FUT9: variants seen among roughly 807,000 people sequenced by gnomAD.
FUT9 encodes 4-galactosyl-N-acetylglucosaminide 3-alpha-L-fucosyltransferase 9.
FUT9 carries 15 observed loss-of-function variants against 29.7 expected under a neutral mutation model. The observed-to-expected ratio is 0.51, with a 90% CI of 0.34 to 0.78. The LOEUF (loss-of-function observed/expected upper bound fraction) is 0.78, where lower values mean the gene tolerates loss of function less well. Among genes scored for constraint, FUT9 ranks in the 30% least tolerant of loss-of-function variants. The pLI, the probability that FUT9 is intolerant of heterozygous loss-of-function variation, is 0.01. For missense variants in FUT9, 319 were observed against 425.4 expected (o/e 0.75, Z 2.20); for synonymous variants, 169 against 153.7 (o/e 1.10, Z -0.74).
At chr6:96,181,709 A>G (rs1383997258) in intron 2 of FUT9, among the ~76,000 whole-genome samples, 2 of 151,944 alleles carry the variant, frequency 1.3e-5, no homozygotes, top group African/African-American at 2.4e-5. Flanking sequence ...TTACTTCACT[A>G]AGAATAATAG....
At position 96,206,964 on chromosome 6, in the gene FUT9, C is replaced by G. The variant is rs1582310902; in HGVS notation, c.*2729C>G. The G allele has an allele frequency of 6.0e-6, 1 of 167,080 alleles. No homozygotes were observed. The highest frequency in any genetic ancestry group is 1.9e-4 in the East Asian group (1 of 5,172). 10.3% of individuals were successfully genotyped at this position (167,080 alleles called of 1,614,324 possible). On this transcript the variant is annotated 3_prime_UTR_variant, in exon 3 of 3. Coordinates refer to ENST00000302103, the MANE Select transcript of FUT9 (RefSeq NM_006581.4). ...ACTGATAATATGACGCAAGTAGAGGCAGTACTACTAAGTATCTAGCAGGTG... is the reference window on the plus strand; with the variant it reads ...ACTGATAATATGACGCAAGTAGAGGGAGTACTACTAAGTATCTAGCAGGTG...
intron 1 of FUT9, among the ~76,000 whole-genome samples, chr6:96,023,884 A>T (rs1770116099): frequency 6.6e-6 from 1 of 151,862 alleles, no homozygotes. Context: ...ACCATCTGGG[A>T]GGAAATAGAG....
intron 1 of FUT9, among the ~76,000 whole-genome samples, chr6:96,089,518 ACTT>A (rs1168390761): frequency 1.3e-5 from 2 of 152,214 alleles, no homozygotes; most frequent in African/African-American, 4.8e-5. Flanking sequence ...TTGCTTTCCT[ACTT>A]CTTCTTGTTA....
chr6:96,168,518 A>G (rs1477642217), intron 2 of FUT9, among the ~76,000 whole-genome samples: 1 of 152,206 alleles, frequency 6.6e-6, no homozygotes, highest in Non-Finnish European at 1.5e-5. Context: ...ATCAAACACC[A>G]TTCGTAAGTA....
chr6:96,060,324 A>G (rs952163401), intron 1 of FUT9, among the ~76,000 whole-genome samples: 9 of 152,224 alleles, frequency 5.9e-5, no homozygotes, highest in African/African-American at 2.2e-4. Context: ...ATATTTCAGT[A>G]ATAACATTTA....
At chr6:96,054,931 T>G (rs1770735473) in intron 1 of FUT9, among the ~76,000 whole-genome samples, 1 of 152,198 alleles carries the variant, frequency 6.6e-6, no homozygotes, top group South Asian at 2.1e-4. Flanking sequence ...CTTTCTGATT[T>G]TGTGTTTGTG....
intron 2 of FUT9, among the ~76,000 whole-genome samples, chr6:96,146,073 C>T (rs943210213): frequency 1.3e-5 from 2 of 152,066 alleles, no homozygotes; most frequent in African/African-American, 4.8e-5. Context: ...AACTCCTGGG[C>T]TCCAGGGACC....
chr6:96,105,113 G>A (rs1413551226), intron 1 of FUT9, among the ~76,000 whole-genome samples: 1 of 152,118 alleles, frequency 6.6e-6, no homozygotes, highest in Non-Finnish European at 1.5e-5. Context: ...TTAAAATCCT[G>A]AAATTCAAGT....
chr6:96,143,376 G>A (rs969175955), intron 2 of FUT9, among the ~76,000 whole-genome samples: 11 of 152,252 alleles, frequency 7.2e-5, no homozygotes, highest in South Asian at 4.1e-4. Flanking sequence ...TACACAGTCC[G>A]AAAGGACTAA....
intron 2 of FUT9, among the ~76,000 whole-genome samples, chr6:96,137,804 A>G (rs758140953): frequency 1.2e-4 from 19 of 152,136 alleles, no homozygotes; most frequent in African/African-American, 4.3e-4. Context: ...CCATAGTAAT[A>G]TAAGAAGTTA....
intron 2 of FUT9, among the ~76,000 whole-genome samples, chr6:96,186,564 T>C (rs945356074): frequency 6.6e-6 from 1 of 152,122 alleles, no homozygotes; most frequent in African/African-American, 2.4e-5. Flanking sequence ...ATAGAATACA[T>C]ATAAAAGAAA....
chr6:96,145,834 A>G (rs1051558124), intron 2 of FUT9, among the ~76,000 whole-genome samples: 1 of 151,918 alleles, frequency 6.6e-6, no homozygotes, highest in Non-Finnish European at 1.5e-5. Flanking sequence ...CTCAGTAAGG[A>G]TTTTGATTTC....
intron 1 of FUT9, chr6:96,020,891 A>G (rs2127921010): frequency 6.6e-6 from 1 of 152,242 alleles, no homozygotes; most frequent in East Asian, 1.9e-4. Flanking sequence ...CTCCCCTGAC[A>G]TAGTTTCTTT....
intron 2 of FUT9, among the ~76,000 whole-genome samples, chr6:96,192,815 A>T (rs1241869814): frequency 6.6e-6 from 1 of 152,146 alleles, no homozygotes; most frequent in African/African-American, 2.4e-5. Flanking sequence ...ATACAAGGCT[A>T]CAGTAAACAA....
At chr6:96,186,601 A>G (rs9322721) in intron 2 of FUT9, among the ~76,000 whole-genome samples, 137,334 of 152,174 alleles carry the variant, frequency 0.9, 63,264 homozygotes, top group Non-Finnish European at 0.99. Context: ...GAGATTTATT[A>G]TAAGGTATTG....
chr6:96,128,060 T>C (rs1315650481), intron 2 of FUT9, among the ~76,000 whole-genome samples: 1 of 152,116 alleles, frequency 6.6e-6, no homozygotes, highest in Non-Finnish European at 1.5e-5. Flanking sequence ...TTTTTGAAAC[T>C]ACTCTTTTAA....
intron 2 of FUT9, among the ~76,000 whole-genome samples, chr6:96,144,846 T>A (rs1772535299): frequency 6.6e-6 from 1 of 152,152 alleles, no homozygotes; most frequent in African/African-American, 2.4e-5. Context: ...GGGAGAGGTA[T>A]TTTATTAACC....
chr6:96,052,665 G>A (rs1770691548), intron 1 of FUT9, among the ~76,000 whole-genome samples: 2 of 152,256 alleles, frequency 1.3e-5, no homozygotes, highest in East Asian at 3.9e-4. Flanking sequence ...TTTTCCAATG[G>A]AACTAACTTG....
chr6:96,131,764 G>A (rs1445736283), intron 2 of FUT9, among the ~76,000 whole-genome samples: 1 of 152,060 alleles, frequency 6.6e-6, no homozygotes, highest in Non-Finnish European at 1.5e-5. Context: ...GAAACCAAAA[G>A]AAGTATCCTT....
Sources: allele counts gnomAD v4.1 joint callset (sites outside exome capture counted in the v4.1 genomes callset), GRCh38; gene constraint gnomAD v4.1.1; transcripts MANE v1.5; gene names NCBI Gene and HGNC (gene_info 2026-07-23, HGNC 2026-07-21).